The following PCDH15 variants were observed in gnomAD, a reference collection of about 807,000 sequenced individuals.
The protein encoded by PCDH15 is protocadherin related 15, also known as protocadherin-15.
PCDH15 carries 129 observed loss-of-function variants against 178.5 expected under a neutral mutation model. The ratio of observed to expected loss-of-function variants is 0.72; its 90% CI spans 0.63 to 0.84. The LOEUF (loss-of-function observed/expected upper bound fraction) is 0.84. PCDH15 is among the 40% of genes least tolerant of loss of function. The pLI is 0.00. For missense variants in PCDH15, 2,230 were observed against 2,099.9 expected, an observed-to-expected ratio of 1.06 and a Z score of -1.21; for synonymous variants, 800 against 732.0, an observed-to-expected ratio of 1.09 and a Z score of -1.50.
At chr10:54,992,857 T>A (rs941656450) in intron 2 of PCDH15, among the ~76,000 whole-genome samples, 1 of 152,160 alleles carries the variant, frequency 6.6e-6, no homozygotes. Context: ...CTTTACTATT[T>A]AATTTATTTA....
chr10:54,466,280 A>G (rs888534855), intron 3 of PCDH15, among the ~76,000 whole-genome samples: 1 of 151,898 alleles, frequency 6.6e-6, no homozygotes, highest in African/African-American at 2.4e-5. Context: ...GTGTTTCCCC[A>G]AAGTTTTCTT....
intron 2 of PCDH15, among the ~76,000 whole-genome samples, chr10:54,599,004 A>G (rs1015601117): frequency 2.6e-5 from 4 of 152,130 alleles, no homozygotes; most frequent in Non-Finnish European, 5.9e-5. Context: ...AAAAAATTCT[A>G]TGCTCATGGA....
At chr10:53,858,595 T>C (rs138883428) in intron 27 of PCDH15, among the ~76,000 whole-genome samples, 25 of 152,240 alleles carry the variant, frequency 1.6e-4, no homozygotes, top group Middle Eastern at 3.4e-3. Context: ...TATCAAACCA[T>C]TGTGTGAGCA....
rs767525470 is a variant in PCDH15, at chr10:54,110,107, G to A, written c.1918-20044C>T. Among the ~76,000 whole-genome samples, 7 of 152,112 alleles carry A rather than the reference G, an allele frequency of 4.6e-5. No individual in the cohort carries two copies. In the South Asian group the frequency reaches 6.2e-4, roughly 14 times the overall value. ...TGAACTTGGTAATAAGTTTGTCTGC[G>A]TGGTTGTCGGTGGGGTGAGGGCTGC... On this transcript the variant is annotated intron_variant, in intron 15 of 37. Transcript: ENST00000644397.
intron 21 of PCDH15, 135 bp from the exon 22 acceptor site, chr10:53,962,027 A>T: frequency 1.4e-6 from 1 of 726,466 alleles, no homozygotes; most frequent in Non-Finnish European, 2.3e-6. Flanking sequence ...ATTCTTTCAG[A>T]GCTGAAATGT....
At chr10:54,229,262 T>G (rs1390201176) in intron 9 of PCDH15, among the ~76,000 whole-genome samples, 1 of 152,182 alleles carries the variant, frequency 6.6e-6, no homozygotes, top group East Asian at 1.9e-4. Context: ...TTAATACAAT[T>G]ATTTATAATG....
intron 16 of PCDH15, among the ~76,000 whole-genome samples, chr10:54,086,099 A>G (rs185616477): frequency 3.2e-4 from 49 of 152,234 alleles, no homozygotes; most frequent in Admixed American, 2.3e-3. Flanking sequence ...GTAATTTATA[A>G]AGAAAATAAG....
intron 7 of PCDH15, among the ~76,000 whole-genome samples, chr10:54,322,682 G>A (rs1168017692): frequency 2.0e-5 from 3 of 151,848 alleles, no homozygotes; most frequent in African/African-American, 7.2e-5. Flanking sequence ...TAGACACACA[G>A]CTGAATTCTA....
rs775658931 is a variant in PCDH15, at chr10:53,827,500, G to A, written c.4260C>T (p.Pro1420=). 5.1e-5 allele frequency: 83 copies of A among 1,613,984 alleles called. No individual in the cohort carries two copies. Among genetic ancestry groups the A allele is most frequent in the South Asian group, 1.1e-4 (10 of 91,088 alleles). ...TKTARIQAAL[P]AAKPAVPAPA... is the part of the protein sequence containing the mutation. ...GAGCCGGCACTGCTGGTTTAGCCGC[G>A]GGTAATGCGGCCTGAATTCGTGCAG... The change falls in exon 32 of 38, where the codon CCC becomes CCT. Residue 1420 remains proline, a synonymous_variant. Transcript: ENST00000644397.
At chr10:54,979,611 G>C (rs1370348472) in intron 2 of PCDH15, among the ~76,000 whole-genome samples, 1 of 149,376 alleles carries the variant, frequency 6.7e-6, no homozygotes, top group Non-Finnish European at 1.5e-5. Flanking sequence ...AGAGGTTGCA[G>C]TGAGCTAAGA....
At chr10:53,956,696 C>T (rs1286790094) in intron 23 of PCDH15, among the ~76,000 whole-genome samples, 5 of 152,042 alleles carry the variant, frequency 3.3e-5, no homozygotes, top group Non-Finnish European at 7.4e-5. Flanking sequence ...ACCAAATTCT[C>T]TTTATAACTC....
At chr10:54,562,126 G>A (rs1373382022) in intron 2 of PCDH15, among the ~76,000 whole-genome samples, 1 of 151,198 alleles carries the variant, frequency 6.6e-6, no homozygotes, top group Non-Finnish European at 1.5e-5. Context: ...AAGTAGCTGT[G>A]AATACAGGCG....
chr10:55,273,876 A>G (rs977131345), intron 1 of PCDH15, among the ~76,000 whole-genome samples: 1 of 152,166 alleles, frequency 6.6e-6, no homozygotes, highest in African/African-American at 2.4e-5. Context: ...TTTGGAAAGT[A>G]TAAGAATCCA....
intron 1 of PCDH15, among the ~76,000 whole-genome samples, chr10:55,296,986 A>G (rs181241744): frequency 7.2e-5 from 11 of 152,214 alleles, no homozygotes; most frequent in Admixed American, 7.2e-4. Flanking sequence ...ACTTTTAAAA[A>G]AAGTTTGCTG....
intron 28 of PCDH15, among the ~76,000 whole-genome samples, chr10:53,841,579 A>C (rs1178798382): frequency 6.6e-6 from 1 of 152,210 alleles, no homozygotes; most frequent in Non-Finnish European, 1.5e-5. Flanking sequence ...CTACCAGTGC[A>C]TGCCAGGAGA....
In PCDH15 at chr10:54,824,372, AG is replaced by A. The variant is rs573686307; in HGVS notation, c.-29+73077del. ...TTCACAACTCATCAGAGAAGAAAAA[AG>A]AACAACTGTGGAAAAGATGTCAGGC... On this transcript the variant is annotated intron_variant, in intron 3 of 5. Transcript: ENST00000458638. Among the ~76,000 whole-genome samples, 5 of 152,328 alleles carry A rather than the reference AG, an allele frequency of 3.3e-5. No homozygotes were observed. The East Asian group carries it at 7.7e-4, about 23-fold the overall frequency.
At position 53,802,887 on chromosome 10, in the gene PCDH15, G is replaced by T. The variant is rs1042900031; in HGVS notation, c.*3692C>A. ...CATAATATTTGTTAAGGAAGAACAG[G>T]TATTTGGATAAAGAAATTGGGAAAG... On this transcript the variant is annotated 3_prime_UTR_variant, in exon 38 of 38. Coordinates refer to ENST00000644397, the MANE Select transcript of PCDH15 (RefSeq NM_001384140.1). The T allele has an allele frequency of 5.3e-5, 8 of 151,766 alleles. No individual in the cohort carries two copies. Among genetic ancestry groups the T allele is most frequent in the African/African-American group, 1.9e-4 (8 of 41,374 alleles). 9.4% of individuals were successfully genotyped at this position (151,766 alleles called of 1,614,324 possible). A position where few individuals can be genotyped will look rare whatever the true frequency, so the allele number is the denominator to read the frequency against.
intron 2 of PCDH15, among the ~76,000 whole-genome samples, chr10:55,529,713 G>GTATA (rs1200547799): frequency 8.9e-6 from 1 of 112,790 alleles, no homozygotes; most frequent in African/African-American, 3.3e-5. Flanking sequence ...ATATATGTGT[G>GTATA]TATATATATA....
At position 53,807,112 on chromosome 10, in the gene PCDH15, T is replaced by G; in HGVS notation, c.4690A>C (p.Ile1564Leu). The G allele has an allele frequency of 6.3e-7, 1 of 1,596,230 alleles. No homozygotes were observed. The highest frequency in any genetic ancestry group is 8.5e-7 in the Non-Finnish European group (1 of 1,172,148). ...EEEEWARKRM[I>L]KLVVDREYET... is the part of the protein sequence containing the mutation. Reference sequence around the variant, plus strand: ...TACTCTCGATCAACAACTAACTTGATCATTCTTTTTCTTGCCCACTGATAA... The same window carrying G: ...TACTCTCGATCAACAACTAACTTGAGCATTCTTTTTCTTGCCCACTGATAA... Residue 1564 changes from isoleucine (I) to leucine (L), a missense_variant, in exon 38 of 38, where the codon ATC (isoleucine) becomes CTC (leucine). Ile to Leu is a conservative substitution (Grantham distance 5). Coordinates refer to ENST00000644397, the MANE Select transcript of PCDH15 (RefSeq NM_001384140.1).
Sources: allele counts gnomAD v4.1 joint callset (sites outside exome capture counted in the v4.1 genomes callset), GRCh38; gene constraint gnomAD v4.1.1; transcripts MANE v1.5; gene names NCBI Gene and HGNC (gene_info 2026-07-23, HGNC 2026-07-21).